MRPS27: variants seen among roughly 807,000 people sequenced by gnomAD.
MRPS27 encodes small ribosomal subunit protein mS27.
In MRPS27, 43 loss-of-function variants were observed where a neutral mutation model predicts 48.9. The ratio of observed to expected loss-of-function variants is 0.88; its 90% CI spans 0.69 to 1.13. The LOEUF (loss-of-function observed/expected upper bound fraction) is 1.13. Ranked by LOEUF, MRPS27 falls within the 50% of genes most tolerant of loss-of-function variation. The pLI is 0.00. For synonymous variants in MRPS27, 188 were observed against 171.9 expected, an observed-to-expected ratio of 1.09 and a Z score of -0.73; for missense variants, 467 against 476.3, an observed-to-expected ratio of 0.98 and a Z score of 0.18.
chr5:72,226,461 G>T (rs1037578115), intron 8 of MRPS27, among the ~76,000 whole-genome samples: 1 of 152,140 alleles, frequency 6.6e-6, no homozygotes, highest in Non-Finnish European at 1.5e-5. Flanking sequence ...GGCTGAGGAT[G>T]TATATATAAA....
intron 10 of MRPS27, among the ~76,000 whole-genome samples, chr5:72,221,414 A>G (rs1036377743): frequency 1.3e-5 from 2 of 152,200 alleles, no homozygotes; most frequent in African/African-American, 4.8e-5. Flanking sequence ...TTTTCAGCTC[A>G]GCAATTTTGC....
intron 4 of MRPS27, among the ~76,000 whole-genome samples, chr5:72,275,336 T>TTC: frequency 6.6e-6 from 1 of 152,230 alleles, no homozygotes; most frequent in East Asian, 1.9e-4. Context: ...AGTGAAGGAC[T>TTC]TCTTCAAGGA....
chr5:72,237,637 TG>T (rs913221709), intron 5 of MRPS27, among the ~76,000 whole-genome samples: 3 of 152,076 alleles, frequency 2.0e-5, no homozygotes, highest in African/African-American at 7.2e-5. Context: ...TCAGGCTTGA[TG>T]GGAGGAGTCA....
chr5:72,297,529 T>C (rs2112065328), intron 3 of MRPS27, 103 bp downstream of exon 3: 1 of 657,898 alleles, frequency 1.5e-6, no homozygotes, highest in Non-Finnish European at 2.5e-6. Context: ...CAAAAATATT[T>C]CCTATGCAAA....
intron 4 of MRPS27, among the ~76,000 whole-genome samples, chr5:72,282,623 T>C (rs1749559904): frequency 6.6e-6 from 1 of 152,204 alleles, no homozygotes; most frequent in South Asian, 2.1e-4. Flanking sequence ...AATGGTTCTG[T>C]AGCTATTAGA....
intron 5 of MRPS27, among the ~76,000 whole-genome samples, chr5:72,235,125 G>A (rs181423232): frequency 1.2e-3 from 180 of 152,278 alleles, no homozygotes; most frequent in African/African-American, 4.1e-3. Flanking sequence ...CCTCAGGTGT[G>A]CCGAAATGGA....
intron 5 of MRPS27, among the ~76,000 whole-genome samples, chr5:72,236,499 CTA>C (rs891739016): frequency 5.3e-5 from 8 of 152,206 alleles, no homozygotes; most frequent in African/African-American, 1.4e-4. Flanking sequence ...CCTAGTTTTG[CTA>C]TCATAGGAAT....
chr5:72,220,955 G>C lies in MRPS27; in HGVS notation c.1199C>G (p.Ala400Gly). ...IQREQQQREQAKQEYQAQKAA... is the reference protein window; with the variant it reads ...IQREQQQREQGKQEYQAQKAA... Reference sequence around the variant, plus strand: ...TTTCTGAGCCTGGTACTCCTGCTTCGCTTGCTCCCTCTGTTGCTGTTCTCT... The same window carrying C: ...TTTCTGAGCCTGGTACTCCTGCTTCCCTTGCTCCCTCTGTTGCTGTTCTCT... Residue 400 changes from alanine (A) to glycine (G), a missense_variant, in exon 11 of 11, where the codon GCG becomes GGG. By Grantham distance (60) the Ala-to-Gly change is moderately conservative (BLOSUM62 0). Transcript: ENST00000261413. 1.2e-6 allele frequency: 2 copies of C among 1,614,116 alleles called. No homozygotes were observed. The highest frequency in any genetic ancestry group is 1.7e-6 in the Non-Finnish European group (2 of 1,179,994).
chr5:72,239,906 T>C (rs1353147189), intron 4 of MRPS27, among the ~76,000 whole-genome samples: 10 of 152,196 alleles, frequency 6.6e-5, no homozygotes, highest in Admixed American at 5.9e-4. Context: ...ATCAATAGTT[T>C]AGCTACTTGA....
intron 4 of MRPS27, among the ~76,000 whole-genome samples, chr5:72,252,464 GCT>G (rs1748693777): frequency 6.6e-6 from 1 of 152,104 alleles, no homozygotes; most frequent in Admixed American, 6.5e-5. Context: ...ACTAAAATGT[GCT>G]GAGTACTTAC....
intron 4 of MRPS27, among the ~76,000 whole-genome samples, chr5:72,263,265 T>C (rs1050078589): frequency 4.6e-5 from 7 of 152,098 alleles, no homozygotes; most frequent in African/African-American, 7.2e-5. Flanking sequence ...CTATTGTGCA[T>C]AGTAGTAACA....
At chr5:72,235,105 T>C (rs1316936977) in intron 5 of MRPS27, among the ~76,000 whole-genome samples, 1 of 152,108 alleles carries the variant, frequency 6.6e-6, no homozygotes, top group Non-Finnish European at 1.5e-5. Context: ...CCAGGTGTTA[T>C]ATATAGTAGC....
intron 4 of MRPS27, among the ~76,000 whole-genome samples, chr5:72,275,424 G>A (rs1749348096): frequency 6.6e-6 from 1 of 152,150 alleles, no homozygotes; most frequent in Non-Finnish European, 1.5e-5. Context: ...TGGATAGGAG[G>A]AATCAATATC....
At chr5:72,230,928 T>A (rs1748050016) in intron 7 of MRPS27, among the ~76,000 whole-genome samples, 1 of 152,066 alleles carries the variant, frequency 6.6e-6, no homozygotes, top group African/African-American at 2.4e-5. Flanking sequence ...TCTAACTGCA[T>A]CATATCCTGG....
chr5:72,291,293 A>G (rs577879422), intron 4 of MRPS27, among the ~76,000 whole-genome samples: 1 of 152,298 alleles, frequency 6.6e-6, no homozygotes, highest in African/African-American at 2.4e-5. Context: ...AAAAGAACCT[A>G]TTTTTCAAAC....
intron 6 of MRPS27, 63 bp from the exon 7 acceptor site, chr5:72,232,621 A>G (rs1471982771): frequency 5.2e-6 from 6 of 1,157,464 alleles, no homozygotes; most frequent in East Asian, 2.5e-5. Flanking sequence ...CTAAATCTCT[A>G]TTTAACTATA....
chr5:72,231,539 G>T lies in MRPS27; in HGVS notation c.591+904C>A, dbSNP rs78047950. On this transcript the variant is annotated intron_variant, in intron 7 of 10. Transcript: ENST00000261413. ...GTAAGCAGAAAATGTTTGCTCACCA[G>T]TACATAACTAGCACTTGCCAATGTA... 3.7e-3 allele frequency among the ~76,000 whole-genome samples: 568 copies of T among 152,218 alleles called. 1 individual carries two copies. Among genetic ancestry groups the T allele is most frequent in the African/African-American group, 0.013 (552 of 41,520 alleles).
intron 2 of MRPS27, among the ~76,000 whole-genome samples, chr5:72,303,317 T>C (rs1750171163): frequency 6.6e-6 from 1 of 152,106 alleles, no homozygotes; most frequent in Admixed American, 6.6e-5. Context: ...CTGTAAAAAG[T>C]AAACAATGAA....
At chr5:72,295,646 C>T in intron 3 of MRPS27, 57 bp from the exon 4 acceptor site, 1 of 1,364,118 alleles carries the variant, frequency 7.3e-7, no homozygotes, top group South Asian at 1.2e-5. Context: ...TATATTTGGC[C>T]TAGGGCCTAG....
Sources: gnomAD v4.1 joint callset for allele counts (sites outside exome capture counted in the v4.1 genomes callset) on GRCh38, gnomAD v4.1.1 for gene constraint, MANE v1.5 for transcripts, NCBI Gene and HGNC (gene_info 2026-07-23, HGNC 2026-07-21) for gene names.